RGS6: variants seen among roughly 807,000 people sequenced by gnomAD.
The protein encoded by RGS6 is regulator of G protein signaling 6, also known as regulator of G-protein signaling 6.
In RGS6, 30 loss-of-function variants were observed where a neutral mutation model predicts 78.5. That is an observed-to-expected ratio of 0.38 (90% CI 0.29 to 0.52). The LOEUF (loss-of-function observed/expected upper bound fraction) is 0.52. Among genes scored for constraint, RGS6 ranks in the 20% least tolerant of loss-of-function variants. The probability of loss-of-function intolerance (pLI) is 0.85; values close to 1 mark genes in which losing one functional copy is unlikely to be tolerated. For synonymous variants in RGS6, 206 were observed against 206.0 expected, an observed-to-expected ratio of 1.00 and a Z score of 0.00; for missense variants, 495 against 609.7, an observed-to-expected ratio of 0.81 and a Z score of 1.98.
intron 2 of RGS6, among the ~76,000 whole-genome samples, chr14:72,269,134 G>GC (rs200644571): frequency 7.0e-5 from 3 of 43,016 alleles, no homozygotes; most frequent in Admixed American, 2.0e-4. Context: ...TATTACCTCC[G>GC]CCCCCCCACC....
At chr14:72,134,952 C>T (rs1037451761) in intron 2 of RGS6, among the ~76,000 whole-genome samples, 5 of 152,220 alleles carry the variant, frequency 3.3e-5, no homozygotes, top group African/African-American at 9.6e-5. Context: ...GTACTTGACT[C>T]AGTCTACCAA....
rs892641876 is a variant in RGS6 at position 72,068,054 on chromosome 14, T to TG, written c.84+103185dup. Among the ~76,000 whole-genome samples, 13 of 152,214 alleles carry TG rather than the reference T, an allele frequency of 8.5e-5. No individual in the cohort carries two copies. In the East Asian group the frequency reaches 1.3e-3, roughly 16 times the overall value. ...TCCAAGTCTTAAAGGGAAATGCTGATGGGGGGATACTTTAGTTGTTTAAAT... is the reference window on the plus strand; with the variant it reads ...TCCAAGTCTTAAAGGGAAATGCTGATGGGGGGGATACTTTAGTTGTTTAAAT... On this transcript the variant is annotated intron_variant, in intron 2 of 17. Coordinates refer to ENST00000553525, the MANE Select transcript of RGS6 (RefSeq NM_001204424.2).
At chr14:72,567,220 C>A (rs2097714377), downstream of RGS6, among the ~76,000 whole-genome samples, 1 of 152,180 alleles carries the variant, frequency 6.6e-6, no homozygotes, top group Non-Finnish European at 1.5e-5. Context: ...ATCTTTCAAT[C>A]CCTGGGCCAC....
intron 2 of RGS6, among the ~76,000 whole-genome samples, chr14:72,162,193 A>T (rs1277490847): frequency 6.6e-6 from 1 of 152,202 alleles, no homozygotes; most frequent in Non-Finnish European, 1.5e-5. Context: ...CAGAAAAAAA[A>T]AAACTATATG....
intron 13 of RGS6, among the ~76,000 whole-genome samples, chr14:72,500,593 G>C (rs1180644757): frequency 6.6e-6 from 1 of 152,248 alleles, no homozygotes; most frequent in African/African-American, 2.4e-5. Flanking sequence ...AATAAAACAT[G>C]CTATCTTACC....
At chr14:72,523,019 G>A (rs1389365964) in intron 15 of RGS6, among the ~76,000 whole-genome samples, 2 of 152,230 alleles carry the variant, frequency 1.3e-5, no homozygotes, top group Non-Finnish European at 2.9e-5. Flanking sequence ...AGGTCAGCAG[G>A]TGCCAAGAGA....
At chr14:72,142,823 AG>A (rs2096558311) in intron 2 of RGS6, among the ~76,000 whole-genome samples, 1 of 152,184 alleles carries the variant, frequency 6.6e-6, no homozygotes, top group Non-Finnish European at 1.5e-5. Flanking sequence ...AGATGGTTTA[AG>A]GGGTTCTTAA....
chr14:72,084,624 T>TA (rs1413458636), intron 2 of RGS6, among the ~76,000 whole-genome samples: 1 of 152,196 alleles, frequency 6.6e-6, no homozygotes, highest in Non-Finnish European at 1.5e-5. Flanking sequence ...ATGACTTTGG[T>TA]AGCAGCTAGA....
chr14:71,955,228 C>T (rs535909380), intron 1 of RGS6, among the ~76,000 whole-genome samples: 114 of 152,304 alleles, frequency 7.5e-4, no homozygotes, highest in Non-Finnish European at 1.1e-3. Flanking sequence ...TCCACTGTTA[C>T]ACCTGAGCCC....
At chr14:72,081,757 C>A (rs1335601600) in intron 2 of RGS6, among the ~76,000 whole-genome samples, 1 of 152,068 alleles carries the variant, frequency 6.6e-6, no homozygotes, top group Admixed American at 6.5e-5. Context: ...AGTCTATCTT[C>A]AACTCAGCAA....
chr14:72,628,716 A>G, the RGS6 span, among the ~76,000 whole-genome samples: 1 of 138,092 alleles, frequency 7.2e-6, no homozygotes, highest in African/African-American at 2.9e-5. Flanking sequence ...AAAAAGAGAC[A>G]GACAATCTGA....
chr14:71,986,527 C>T (rs1345220655), intron 2 of RGS6, among the ~76,000 whole-genome samples: 1 of 151,616 alleles, frequency 6.6e-6, no homozygotes. Flanking sequence ...ATGATGAGAC[C>T]CCATCTCTAT....
At chr14:72,079,369 G>GATATTGCTC (rs1271001694) in intron 2 of RGS6, among the ~76,000 whole-genome samples, 2 of 152,002 alleles carry the variant, frequency 1.3e-5, no homozygotes, top group Non-Finnish European at 2.9e-5. Flanking sequence ...TTTTTATAAA[G>GATATTGCTC]ATATTGCTCA....
chr14:71,870,356 C>G, the RGS6 span, among the ~76,000 whole-genome samples: 1 of 152,146 alleles, frequency 6.6e-6, no homozygotes, highest in Non-Finnish European at 1.5e-5. Context: ...GGCTAATTTA[C>G]ATTACTACCT....
chr14:71,973,142 T>C (rs1198176938), intron 2 of RGS6, among the ~76,000 whole-genome samples: 1 of 152,254 alleles, frequency 6.6e-6, no homozygotes, highest in Non-Finnish European at 1.5e-5. Context: ...GGGTTAGCTA[T>C]GCTGGGTGAT....
chr14:72,239,273 A>T (rs2052081062), intron 2 of RGS6, among the ~76,000 whole-genome samples: 1 of 152,160 alleles, frequency 6.6e-6, no homozygotes, highest in African/African-American at 2.4e-5. Flanking sequence ...AGGAAGTTGT[A>T]TGCATGCCCA....
chr14:72,253,416 C>A (rs1324022674), intron 2 of RGS6, among the ~76,000 whole-genome samples: 1 of 152,204 alleles, frequency 6.6e-6, no homozygotes, highest in Non-Finnish European at 1.5e-5. Flanking sequence ...AGGCCAGAGA[C>A]CTGCCAACTT....
At chr14:72,134,103 C>T (rs552686307) in intron 2 of RGS6, among the ~76,000 whole-genome samples, 1 of 152,314 alleles carries the variant, frequency 6.6e-6, no homozygotes, top group South Asian at 2.1e-4. Flanking sequence ...GATCATTCCT[C>T]TTCATTTATT....
At chr14:72,354,782 G>A (rs1012516444) in intron 3 of RGS6, among the ~76,000 whole-genome samples, 4 of 152,098 alleles carry the variant, frequency 2.6e-5, no homozygotes, top group Non-Finnish European at 5.9e-5. Context: ...GAGGAGACAC[G>A]TTCAGTCCAA....
Sources: gnomAD v4.1 joint callset for allele counts (sites outside exome capture counted in the v4.1 genomes callset) on GRCh38, gnomAD v4.1.1 for gene constraint, MANE v1.5 for transcripts, NCBI Gene and HGNC (gene_info 2026-07-23, HGNC 2026-07-21) for gene names.